Variants in LRRC28 observed in about 807,000 individuals in gnomAD.
LRRC28 encodes leucine rich repeat containing 28.
In LRRC28, 39 loss-of-function variants were observed where a neutral mutation model predicts 45.7. The observed-to-expected ratio is 0.85, with a 90% confidence interval of 0.66 to 1.12. The LOEUF is 1.12. Ranked by LOEUF, LRRC28 falls within the 50% of genes most tolerant of loss-of-function variation. The probability of loss-of-function intolerance (pLI) is 0.00; values close to 1 mark genes in which losing one functional copy is unlikely to be tolerated. For synonymous variants in LRRC28, 206 were observed against 178.8 expected (o/e 1.15, Z -1.22); for missense variants, 435 against 438.5 (o/e 0.99, Z 0.07).
intron 5 of LRRC28, among the ~76,000 whole-genome samples, chr15:99,330,769 T>C (rs1956135412): frequency 6.6e-6 from 1 of 152,168 alleles, no homozygotes; most frequent in African/African-American, 2.4e-5. Flanking sequence ...ATGTGTAGTC[T>C]ACATATCTTG....
chr15:99,292,585 C>T (rs537150833), intron 5 of LRRC28, among the ~76,000 whole-genome samples: 232 of 151,906 alleles, frequency 1.5e-3, no homozygotes, highest in Non-Finnish European at 2.9e-3. Context: ...AGGATGGTCT[C>T]GATCTCCTGA....
At chr15:99,272,665 C>A (rs1184938258) in intron 2 of LRRC28, among the ~76,000 whole-genome samples, 2 of 152,094 alleles carry the variant, frequency 1.3e-5, no homozygotes, top group Non-Finnish European at 2.9e-5. Context: ...TTTACTTTTT[C>A]ATTATTGTAA....
chr15:99,327,130 A>G (rs1323757652), intron 5 of LRRC28, among the ~76,000 whole-genome samples: 4 of 152,236 alleles, frequency 2.6e-5, no homozygotes, highest in Admixed American at 2.6e-4. Context: ...GCTGGAGTGC[A>G]GTGGCACGAT....
At chr15:99,296,648 G>C (rs1305156727) in intron 5 of LRRC28, among the ~76,000 whole-genome samples, 1 of 152,114 alleles carries the variant, frequency 6.6e-6, no homozygotes, top group African/African-American at 2.4e-5. Context: ...CTATTTTGTG[G>C]GGTTATCTGC....
At position 99,258,495 on chromosome 15, in the gene LRRC28, A is replaced by G. The variant is rs542201634; in HGVS notation, c.168+2370A>G. Reference sequence around the variant, plus strand: ...GCAAGACTGAAACTGTTAAGGAGCCATGAAGGAAGAAGCAGCAGCAAAAGA... The same window carrying G: ...GCAAGACTGAAACTGTTAAGGAGCCGTGAAGGAAGAAGCAGCAGCAAAAGA... On this transcript the variant is annotated intron_variant, in intron 2 of 9. Coordinates refer to ENST00000301981, the MANE Select transcript of LRRC28 (RefSeq NM_144598.5). 4.1e-5 allele frequency: 31 copies of G among 763,388 alleles called. No individual in the cohort carries two copies. The East Asian group carries it at 5.9e-4, about 15-fold the overall frequency. 47.3% of individuals were successfully genotyped at this position (763,388 alleles called of 1,614,324 possible). A position where few individuals can be genotyped will look rare whatever the true frequency, so the allele number is the denominator to read the frequency against.
intron 9 of LRRC28, among the ~76,000 whole-genome samples, chr15:99,373,372 T>A (rs962275258): frequency 5.3e-5 from 8 of 152,080 alleles, no homozygotes; most frequent in Admixed American, 1.3e-4. Context: ...TTAAAAAAAA[T>A]TATTTTTAAA....
chr15:99,374,854 A>G (rs1005230220), intron 9 of LRRC28, among the ~76,000 whole-genome samples: 4 of 151,190 alleles, frequency 2.6e-5, no homozygotes, highest in Admixed American at 2.6e-4. Flanking sequence ...TTTTTAGTAG[A>G]GACAGGGTTT....
chr15:99,318,287 T>C (rs955252649), intron 5 of LRRC28, among the ~76,000 whole-genome samples: 16 of 148,200 alleles, frequency 1.1e-4, no homozygotes, highest in African/African-American at 3.7e-4. Flanking sequence ...TTTTTAGAAT[T>C]TTAATCACAG....
intron 5 of LRRC28, among the ~76,000 whole-genome samples, chr15:99,294,069 C>G (rs2082203502): frequency 1.3e-5 from 2 of 152,292 alleles, no homozygotes; most frequent in African/African-American, 4.8e-5. Context: ...CATTGTTACC[C>G]TGTATCCTTT....
chr15:99,273,617 A>G (rs1264756734), intron 2 of LRRC28, among the ~76,000 whole-genome samples: 5 of 152,354 alleles, frequency 3.3e-5, no homozygotes, highest in Admixed American at 2.6e-4. Flanking sequence ...ATAAAAACAC[A>G]ATGTATCTAC....
intron 5 of LRRC28, among the ~76,000 whole-genome samples, chr15:99,323,758 C>G (rs1430194217): frequency 1.3e-5 from 2 of 152,118 alleles, no homozygotes; most frequent in Non-Finnish European, 2.9e-5. Context: ...GAAGTAAATA[C>G]TAACTTTTCT....
Position 99,363,198 on chromosome 15 carries a change from A to C in LRRC28, c.964A>C (p.Met322Leu). 6.2e-7 allele frequency: 1 copy of C among 1,614,016 alleles called. No homozygotes were observed. The highest frequency in any genetic ancestry group is 8.5e-7 in the Non-Finnish European group (1 of 1,179,920). Residue 322 changes from methionine to leucine, a missense_variant, in exon 9 of 10, where the codon ATG (methionine) becomes CTG (leucine). Transcript: ENST00000301981. ...GCACTGTCATCGGTGTAGTGAGCCT[A>C]TGTTTACCATCGTCTACCCCAAGCT... is the stretch of plus-strand genomic sequence containing the variant. ...LGHCHRCSEP[M>L]FTIVYPKLFP...
intron 1 of LRRC28, among the ~76,000 whole-genome samples, chr15:99,252,564 A>G (rs754714241): frequency 2.6e-5 from 4 of 152,200 alleles, no homozygotes; most frequent in Non-Finnish European, 5.9e-5. Context: ...GAACTATGGC[A>G]TGTTACCCTC....
intron 9 of LRRC28, among the ~76,000 whole-genome samples, chr15:99,374,826 C>T (rs1163039059): frequency 6.6e-6 from 1 of 151,836 alleles, no homozygotes; most frequent in Non-Finnish European, 1.5e-5. Flanking sequence ...CACCACCACG[C>T]CTGGCTAAAT....
chr15:99,299,751 T>G (rs2082351114), intron 5 of LRRC28, among the ~76,000 whole-genome samples: 1 of 152,238 alleles, frequency 6.6e-6, no homozygotes, highest in South Asian at 2.1e-4. Context: ...ATAATAGTTC[T>G]TTGTTTAATC....
chr15:99,283,611 T>G (rs1268204075), intron 3 of LRRC28, among the ~76,000 whole-genome samples: 2 of 107,982 alleles, frequency 1.9e-5, no homozygotes, highest in East Asian at 2.8e-4. Context: ...GGGAGACTCC[T>G]TCTCAAAAAA....
chr15:99,386,084 T>C lies in LRRC28; in HGVS notation c.1086T>C (p.Thr362=), dbSNP rs1957979964. ...AYCCSTQCLQ[T]FDLLS ...GCTGCTCCACCCAGTGTCTGCAGAC[T>C]TTTGACCTGCTGAGTTGATAAACAC... The change falls in exon 10 of 10, where the codon ACT becomes ACC. Residue 362 remains threonine, a synonymous_variant. Transcript: ENST00000301981. 2 of 1,614,096 alleles carry C rather than the reference T, an allele frequency of 1.2e-6. No homozygotes were observed. Among genetic ancestry groups the C allele is most frequent in the African/African-American group, 2.7e-5 (2 of 75,048 alleles).
chr15:99,273,618 A>T (rs1335642123), intron 2 of LRRC28, among the ~76,000 whole-genome samples: 1 of 152,218 alleles, frequency 6.6e-6, no homozygotes, highest in Non-Finnish European at 1.5e-5. Context: ...TAAAAACACA[A>T]TGTATCTACT....
chr15:99,386,226 G>C lies in LRRC28; in HGVS notation c.*124G>C. 1.3e-6 allele frequency: 1 copy of C among 758,414 alleles called. No homozygotes were observed. Among genetic ancestry groups the C allele is most frequent in the Non-Finnish European group, 2.2e-6 (1 of 445,530 alleles). The allele number at this position is 758,414 out of a possible 1,614,324, so 47.0% of individuals were successfully genotyped here. A position where few individuals can be genotyped will look rare whatever the true frequency, so the allele number is the denominator to read the frequency against. On this transcript the variant is annotated 3_prime_UTR_variant, in exon 10 of 10. Transcript: ENST00000301981. ...CTGCAGAACTCTCTAGAAATGTCAT[G>C]ATTGAGCTTCAGAGCTAAAATGCCT...
Sources: gnomAD v4.1 joint callset for allele counts (sites outside exome capture counted in the v4.1 genomes callset) on GRCh38, gnomAD v4.1.1 for gene constraint, MANE v1.5 for transcripts, NCBI Gene and HGNC (gene_info 2026-07-23, HGNC 2026-07-21) for gene names.